The following KIRREL3 variants were observed in gnomAD, a reference collection of about 807,000 sequenced individuals.
The protein encoded by KIRREL3 is kirre like nephrin family adhesion molecule 3, also known as kin of IRRE-like protein 3.
Under a neutral mutation model 89.7 loss-of-function variants are expected in KIRREL3, and 36 were observed. The ratio of observed to expected loss-of-function variants is 0.40; its 90% confidence interval spans 0.31 to 0.53. The LOEUF (loss-of-function observed/expected upper bound fraction) is 0.53, where lower values mean the gene tolerates loss of function less well. Among genes scored for constraint, KIRREL3 ranks in the 20% least tolerant of loss-of-function variants. The pLI is 0.49. For synonymous variants in KIRREL3, 445 were observed against 441.4 expected, an observed-to-expected ratio of 1.01 and a Z score of -0.10; for missense variants, 864 against 1,056.6, an observed-to-expected ratio of 0.82 and a Z score of 2.53.
At chr11:126,789,325 T>C (rs557448751) in intron 1 of KIRREL3, among the ~76,000 whole-genome samples, 1 of 152,270 alleles carries the variant, frequency 6.6e-6, no homozygotes, top group African/African-American at 2.4e-5. Flanking sequence ...GTCCCTCTCC[T>C]TCTTGCATCT....
chr11:126,849,910 A>G (rs979786652), intron 1 of KIRREL3, among the ~76,000 whole-genome samples: 1 of 127,334 alleles, frequency 7.9e-6, no homozygotes, highest in Non-Finnish European at 1.7e-5. Flanking sequence ...CTGTCTCAGA[A>G]CTTTACTTAA....
Position 126,563,375 on chromosome 11 carries a change from C to T in KIRREL3, c.56-463G>A, listed in dbSNP as rs1431597891. ...CTATCCAGTCGTGTCTAGGATGGAA[C>T]AGTGCAACCAGACATGGTGGGTGAC... is the stretch of plus-strand genomic sequence containing the variant. On this transcript the variant is annotated intron_variant, in intron 1 of 16. Transcript: ENST00000525144. This position sits in a 1 kb window ranked among gnomAD's most constrained non-coding sequence, Gnocchi z 6.8. 6.6e-6 allele frequency among the ~76,000 whole-genome samples: 1 copy of T among 152,192 alleles called. No individual in the cohort carries two copies. Among genetic ancestry groups the T allele is most frequent in the East Asian group, 1.9e-4 (1 of 5,200 alleles).
intron 1 of KIRREL3, among the ~76,000 whole-genome samples, chr11:126,863,596 TGC>T (rs1349924384): frequency 2.4e-4 from 28 of 114,804 alleles, no homozygotes; most frequent in African/African-American, 7.7e-4. Context: ...TGTGTTTGAG[TGC>T]GTGTGTGTTT....
In KIRREL3 at chr11:126,782,168, T is replaced by C. The variant is rs1408581498; in HGVS notation, c.55+218287A>G. 4.6e-5 allele frequency among the ~76,000 whole-genome samples: 7 copies of C among 152,200 alleles called. No individual in the cohort carries two copies. Among genetic ancestry groups the C allele is most frequent in the South Asian group, 2.1e-4 (1 of 4,826 alleles). The stretch of plus-strand genomic sequence containing the variant: ...TCAGGCCTGAGACTTAAAAGAGTCC[T>C]GTGTGATCTTTCAGCCCCTCTTCCC... On this transcript the variant is annotated intron_variant, in intron 1 of 16. Transcript: ENST00000525144. The surrounding 1 kb of genome is among the most constrained non-coding windows in gnomAD (Gnocchi z 4.1).
chr11:126,502,915 G>A (rs77481344), intron 4 of KIRREL3, among the ~76,000 whole-genome samples: 2,814 of 152,268 alleles, frequency 0.018, 51 homozygotes, highest in East Asian at 0.083. Flanking sequence ...AGATTTACAG[G>A]TGGCAAGGAG....
chr11:126,702,638 G>A (rs1022304886), intron 1 of KIRREL3, among the ~76,000 whole-genome samples: 1 of 152,356 alleles, frequency 6.6e-6, no homozygotes, highest in Non-Finnish European at 1.5e-5. Context: ...GCTGCTGAAT[G>A]GAAAACACTT....
Position 126,579,621 on chromosome 11 carries a change from GCAC to G in KIRREL3, c.56-16712_56-16710del, listed in dbSNP as rs68138290. ...AGGGCAGGGTACAAAGGAGGCAAAT[GCAC>G]CACCTGTGGCCCTAGAGTGGGGAGC... On this transcript the variant is annotated intron_variant, in intron 1 of 16. Transcript: ENST00000525144. The surrounding 1 kb of genome is among the most constrained non-coding windows in gnomAD (Gnocchi z 5.3). Among the ~76,000 whole-genome samples the G allele has an allele frequency of 0.52, 78,532 of 151,466 alleles. 20,519 individuals are homozygous for G. The highest frequency in any genetic ancestry group is 0.65 in the South Asian group (3,128 of 4,784).
chr11:126,695,106 G>C (rs1209586311), intron 1 of KIRREL3, among the ~76,000 whole-genome samples: 1 of 152,214 alleles, frequency 6.6e-6, no homozygotes, highest in Non-Finnish European at 1.5e-5. Context: ...TACAGCGGCA[G>C]AGCAGGATAG....
At position 126,770,129 on chromosome 11, in the gene KIRREL3, A is replaced by G. The variant is rs369322791; in HGVS notation, c.56-207217T>C. Among the ~76,000 whole-genome samples, 43 of 152,206 alleles carry G rather than the reference A, an allele frequency of 2.8e-4. No homozygotes were observed. The South Asian group carries it at 7.5e-3, about 26-fold the overall frequency. On this transcript the variant is annotated intron_variant, in intron 1 of 16. Coordinates refer to ENST00000525144, the MANE Select transcript of KIRREL3 (RefSeq NM_032531.4). ...ACTTAGAACAGGTACTGAGCAGTCCAGTGGGAAGCCTGAGTTGGGGGGGAA... is the reference window on the plus strand; with the variant it reads ...ACTTAGAACAGGTACTGAGCAGTCCGGTGGGAAGCCTGAGTTGGGGGGGAA...
At position 126,844,293 on chromosome 11, in the gene KIRREL3, G is replaced by A. The variant is rs535394697; in HGVS notation, c.55+156162C>T. On this transcript the variant is annotated intron_variant, in intron 1 of 16. Coordinates refer to ENST00000525144, the MANE Select transcript of KIRREL3 (RefSeq NM_032531.4). The surrounding 1 kb of genome is among the most constrained non-coding windows in gnomAD (Gnocchi z 4.8). ...TAACTTTGGGTAAGTGGTGGGGTCC[G>A]GTGACATCTTTCTGGTGACCACAGA... 7.2e-5 allele frequency among the ~76,000 whole-genome samples: 11 copies of A among 152,172 alleles called. No homozygotes were observed. Among genetic ancestry groups the A allele is most frequent in the South Asian group, 6.2e-4 (3 of 4,818 alleles).
Position 126,978,992 on chromosome 11 carries a change from G to C in KIRREL3, c.55+21463C>G, listed in dbSNP as rs1357100757. Among the ~76,000 whole-genome samples the C allele has an allele frequency of 6.6e-6, 1 of 152,124 alleles. No individual in the cohort carries two copies. The highest frequency in any genetic ancestry group is 2.4e-5 in the African/African-American group (1 of 41,420). On this transcript the variant is annotated intron_variant, in intron 1 of 16. Coordinates refer to ENST00000525144, the MANE Select transcript of KIRREL3 (RefSeq NM_032531.4). This position sits in a 1 kb window ranked among gnomAD's most constrained non-coding sequence, Gnocchi z 4.2. The stretch of plus-strand genomic sequence containing the variant: ...AGAAATGGGAAACATAATTTCAAGG[G>C]GGAGAATGGCAAATGTACAACTCTC...
intron 1 of KIRREL3, among the ~76,000 whole-genome samples, chr11:126,727,278 G>A (rs1045176200): frequency 6.6e-6 from 1 of 152,234 alleles, no homozygotes; most frequent in Non-Finnish European, 1.5e-5. Context: ...GGCTGGCTTC[G>A]CCATCACAGG....
Position 126,428,277 on chromosome 11 carries a change from C to T in KIRREL3, c.1806+902G>A, listed in dbSNP as rs772656642. Among the ~76,000 whole-genome samples, 4 of 152,298 alleles carry T rather than the reference C, an allele frequency of 2.6e-5. No homozygotes were observed. In the East Asian group the frequency reaches 7.7e-4, roughly 29 times the overall value. On this transcript the variant is annotated intron_variant, in intron 15 of 16. Coordinates refer to ENST00000525144, the MANE Select transcript of KIRREL3 (RefSeq NM_032531.4). This position sits in a 1 kb window ranked among gnomAD's most constrained non-coding sequence, Gnocchi z 6.4. ...ATTCCTTGCTCTGCTGCCTCCACTC[C>T]AACATGTTACGACCGAGGCAACCAG...
chr11:126,630,778 G>T (rs1241527683), intron 1 of KIRREL3, among the ~76,000 whole-genome samples: 2 of 152,098 alleles, frequency 1.3e-5, no homozygotes, highest in Non-Finnish European at 2.9e-5. Flanking sequence ...CTGATGTGTG[G>T]GTTGGTGTTC....
rs1292953983 is a variant in KIRREL3 at position 126,782,623 on chromosome 11, C to T, written c.55+217832G>A. ...GTAAATGGATGGCAGATGGTGGGAG[C>T]CAGGCGTTTCACTGTTGGAGTGGGA... is the stretch of plus-strand genomic sequence containing the variant. On this transcript the variant is annotated intron_variant, in intron 1 of 16. Coordinates refer to ENST00000525144, the MANE Select transcript of KIRREL3 (RefSeq NM_032531.4). The surrounding 1 kb of genome is among the most constrained non-coding windows in gnomAD (Gnocchi z 4.1). 6.6e-6 allele frequency among the ~76,000 whole-genome samples: 1 copy of T among 152,080 alleles called. No homozygotes were observed. The highest frequency in any genetic ancestry group is 6.6e-5 in the Admixed American group (1 of 15,264).
At chr11:126,751,901 C>A (rs951082372) in intron 1 of KIRREL3, among the ~76,000 whole-genome samples, 1 of 152,040 alleles carries the variant, frequency 6.6e-6, no homozygotes. Context: ...TGGGGTTTTG[C>A]TATGTTGACC....
rs1045742350 is a variant in KIRREL3 at position 126,544,208 on chromosome 11, G to C, written c.134-17521C>G. ...TTGGTAACATGCGGCATCTTGGGGAGAGCATTCATGTCTGTAATTAGTTAC... is the reference window on the plus strand; with the variant it reads ...TTGGTAACATGCGGCATCTTGGGGACAGCATTCATGTCTGTAATTAGTTAC... On this transcript the variant is annotated intron_variant, in intron 2 of 16. Transcript: ENST00000525144. This position sits in a 1 kb window ranked among gnomAD's most constrained non-coding sequence, Gnocchi z 5.6. 6.6e-6 allele frequency: 1 copy of C among 152,244 alleles called. No homozygotes were observed. Among genetic ancestry groups the C allele is most frequent in the Non-Finnish European group, 1.5e-5 (1 of 68,054 alleles). The allele number at this position is 152,244 out of a possible 1,614,324, so 9.4% of individuals were successfully genotyped here. A position where few individuals can be genotyped will look rare whatever the true frequency, so the allele number is the denominator to read the frequency against.
intron 7 of KIRREL3, among the ~76,000 whole-genome samples, chr11:126,451,031 G>A (rs371251659): frequency 6.6e-6 from 1 of 151,320 alleles, no homozygotes; most frequent in African/African-American, 2.4e-5. Flanking sequence ...CCATGTGCAT[G>A]TGTACATGTG....
intron 1 of KIRREL3, among the ~76,000 whole-genome samples, chr11:126,617,424 G>A (rs973437806): frequency 2.0e-5 from 3 of 152,252 alleles, no homozygotes; most frequent in African/African-American, 7.2e-5. Context: ...AGAAATTCAA[G>A]GTTGGACATT....
Sources: allele counts gnomAD v4.1 joint callset (sites outside exome capture counted in the v4.1 genomes callset), GRCh38; gene constraint gnomAD v4.1.1; non-coding constraint Gnocchi (gnomAD v3.1); transcripts MANE v1.5; gene names NCBI Gene and HGNC (gene_info 2026-07-23, HGNC 2026-07-21).